The following LYPD6B variants were observed in gnomAD, a reference collection of about 807,000 sequenced individuals.
LYPD6B encodes LY6/PLAUR domain containing 6B, also known as ly6/PLAUR domain-containing protein 6B.
Under a neutral mutation model 22.8 loss-of-function variants are expected in LYPD6B, and 17 were observed. That is an observed-to-expected ratio of 0.75 (90% CI 0.51 to 1.12). The LOEUF (loss-of-function observed/expected upper bound fraction) is 1.12, where lower values mean the gene tolerates loss of function less well. Ranked by LOEUF, LYPD6B falls within the 50% of genes most tolerant of loss-of-function variation. The pLI is 0.00. For missense variants in LYPD6B, 221 were observed against 258.3 expected (o/e 0.86, Z 0.99); for synonymous variants, 106 against 91.6 (o/e 1.16, Z -0.90).
At chr2:149,194,565 A>G (rs1167512618) in intron 3 of LYPD6B, among the ~76,000 whole-genome samples, 1 of 152,202 alleles carries the variant, frequency 6.6e-6, no homozygotes, top group African/African-American at 2.4e-5. Flanking sequence ...GAAAACAGTT[A>G]CCAGAATCTA....
intron 1 of LYPD6B, among the ~76,000 whole-genome samples, chr2:149,069,729 T>A (rs894672178): frequency 6.6e-6 from 1 of 152,128 alleles, no homozygotes; most frequent in Non-Finnish European, 1.5e-5. Context: ...CAGCATGACA[T>A]CTTTCCACAG....
intron 1 of LYPD6B, among the ~76,000 whole-genome samples, chr2:149,085,284 CCA>C (rs1174826228): frequency 1.3e-5 from 2 of 152,330 alleles, no homozygotes; most frequent in East Asian, 3.9e-4. Context: ...TTCAGTATCC[CCA>C]GAGAGCATGC....
At chr2:149,069,776 G>A (rs971166328) in intron 1 of LYPD6B, among the ~76,000 whole-genome samples, 1 of 152,122 alleles carries the variant, frequency 6.6e-6, no homozygotes, top group Non-Finnish European at 1.5e-5. Context: ...GTGCTGAGCA[G>A]TGTCCACTAC....
chr2:149,139,530 C>T (rs114610307), intron 2 of LYPD6B, among the ~76,000 whole-genome samples: 279 of 152,210 alleles, frequency 1.8e-3, no homozygotes, highest in African/African-American at 6.4e-3. Context: ...CTAGGGTCGG[C>T]GGTGACAGAT....
intron 2 of LYPD6B, among the ~76,000 whole-genome samples, chr2:149,144,680 T>C (rs2105789623): frequency 6.6e-6 from 1 of 152,236 alleles, no homozygotes; most frequent in Non-Finnish European, 1.5e-5. Flanking sequence ...GCATGAGCCA[T>C]GGTGCCTGAC....
chr2:149,177,675 C>T (rs939028328), intron 3 of LYPD6B, among the ~76,000 whole-genome samples: 1 of 152,112 alleles, frequency 6.6e-6, no homozygotes, highest in African/African-American at 2.4e-5. Flanking sequence ...CTGCCAGGTG[C>T]TTCTTCATTA....
rs74345631 is a variant in LYPD6B, at chr2:149,093,893, A to T, written c.-66-36990A>T. ...AGTTTGGTGATGCATTCGCTTCTTCATCTGTAATTCTTATTAACACTTTGA... is the reference window on the plus strand; with the variant it reads ...AGTTTGGTGATGCATTCGCTTCTTCTTCTGTAATTCTTATTAACACTTTGA... On this transcript the variant is annotated intron_variant, in intron 1 of 6. Coordinates refer to ENST00000409642, the MANE Select transcript of LYPD6B (RefSeq NM_177964.5). 4.5e-3 allele frequency among the ~76,000 whole-genome samples: 685 copies of T among 152,184 alleles called. 7 individuals are homozygous for T. Among genetic ancestry groups the T allele is most frequent in the African/African-American group, 0.016 (656 of 41,516 alleles).
chr2:149,043,244 G>A (rs1574861646), intron 1 of LYPD6B, among the ~76,000 whole-genome samples: 1 of 152,116 alleles, frequency 6.6e-6, no homozygotes, highest in East Asian at 1.9e-4. Context: ...GATAGAAAAA[G>A]TGGTCTCTTT....
At chr2:149,168,757 C>T (rs1027517339) in intron 3 of LYPD6B, among the ~76,000 whole-genome samples, 3 of 152,170 alleles carry the variant, frequency 2.0e-5, no homozygotes, top group Admixed American at 6.5e-5. Context: ...AATAATATAA[C>T]CTGCAGCACA....
chr2:149,095,186 C>T (rs1685848018), intron 1 of LYPD6B, among the ~76,000 whole-genome samples: 4 of 152,114 alleles, frequency 2.6e-5, no homozygotes, highest in Admixed American at 2.6e-4. Flanking sequence ...ATCTCAGCTA[C>T]TCAGGAGGCT....
chr2:149,160,376 T>A, intron 2 of LYPD6B: 1 of 456,318 alleles, frequency 2.2e-6, no homozygotes, highest in Admixed American at 2.4e-5. Context: ...ATGTGTTGAA[T>A]GTGTGAATGC....
At chr2:149,179,288 C>T (rs761875535) in intron 3 of LYPD6B, among the ~76,000 whole-genome samples, 18 of 152,216 alleles carry the variant, frequency 1.2e-4, no homozygotes, top group African/African-American at 2.7e-4. Context: ...TTTTCAGAGA[C>T]GGCACACACA....
chr2:149,174,800 A>T (rs1430995592), intron 3 of LYPD6B, among the ~76,000 whole-genome samples: 1 of 151,010 alleles, frequency 6.6e-6, no homozygotes, highest in Non-Finnish European at 1.5e-5. Flanking sequence ...GGGGGGTGGG[A>T]GGAGGGAGAG....
chr2:149,172,613 T>C (rs985152565), intron 3 of LYPD6B, among the ~76,000 whole-genome samples: 1 of 152,060 alleles, frequency 6.6e-6, no homozygotes, highest in African/African-American at 2.4e-5. Context: ...ATCATGATGG[T>C]CTGGGATGCC....
At chr2:149,143,798 CTT>C (rs1432130609) in intron 2 of LYPD6B, 2 of 152,192 alleles carry the variant, frequency 1.3e-5, no homozygotes, top group African/African-American at 2.4e-5. Context: ...TTTAATATTA[CTT>C]TTAAAAGGCT....
At chr2:149,212,252 G>C (rs1693903931) in intron 5 of LYPD6B, among the ~76,000 whole-genome samples, 1 of 151,022 alleles carries the variant, frequency 6.6e-6, no homozygotes, top group South Asian at 2.1e-4. Flanking sequence ...CGTGGTGGCG[G>C]GTGCCTGTAG....
chr2:149,064,674 T>C (rs1364157889), intron 1 of LYPD6B, among the ~76,000 whole-genome samples: 20 of 152,180 alleles, frequency 1.3e-4, no homozygotes, highest in Admixed American at 1.3e-3. Flanking sequence ...AGCTCCAGAA[T>C]TCCCACTGCA....
chr2:149,156,575 A>G (rs1478043623), intron 2 of LYPD6B, among the ~76,000 whole-genome samples: 2 of 152,124 alleles, frequency 1.3e-5, no homozygotes, highest in African/African-American at 4.8e-5. Context: ...TAGCCTGTGG[A>G]TGGTCTTCTC....
chr2:149,064,275 G>A (rs1684226159), intron 1 of LYPD6B, among the ~76,000 whole-genome samples: 1 of 152,170 alleles, frequency 6.6e-6, no homozygotes, highest in Non-Finnish European at 1.5e-5. Context: ...TTCTACTTAT[G>A]AAGTCATGAT....
Sources: gnomAD v4.1 joint callset for allele counts (sites outside exome capture counted in the v4.1 genomes callset) on GRCh38, gnomAD v4.1.1 for gene constraint, MANE v1.5 for transcripts, NCBI Gene and HGNC (gene_info 2026-07-23, HGNC 2026-07-21) for gene names.